Variants in DGKH observed in about 807,000 individuals in gnomAD.
DGKH encodes the protein diacylglycerol kinase eta.
DGKH carries 90 observed loss-of-function variants against 159.3 expected under a neutral mutation model. The observed-to-expected ratio is 0.57, with a 90% CI of 0.48 to 0.67. The LOEUF (loss-of-function observed/expected upper bound fraction) is 0.67, where lower values mean the gene tolerates loss of function less well. DGKH is among the 30% of genes least tolerant of loss of function. DGKH has a pLI of 0.00. For missense variants in DGKH, 1,181 were observed against 1,506.1 expected, an observed-to-expected ratio of 0.78 and a Z score of 3.57; for synonymous variants, 536 against 553.8, an observed-to-expected ratio of 0.97 and a Z score of 0.45.
rs769358075 is a variant in DGKH, at chr13:42,210,588, T to A, written c.2851-14T>A. The A allele has an allele frequency of 6.2e-7, 1 of 1,609,316 alleles. No homozygotes were observed. The highest frequency in any genetic ancestry group is 8.5e-7 in the Non-Finnish European group (1 of 1,178,596). ...TCTAAACTAACAATTCGTTACAATA[T>A]TGACTTTAAATAGGCCTTTGAGAGC... On this transcript the variant is annotated splice_polypyrimidine_tract_variant and intron_variant, in intron 23 of 29. Coordinates refer to ENST00000337343, the MANE Select transcript of DGKH (RefSeq NM_178009.5).
rs145037397 is a variant in DGKH at position 42,071,043 on chromosome 13, A to G, written c.192+22078A>G. 4 of 1,241,062 alleles carry G rather than the reference A, an allele frequency of 3.2e-6. No homozygotes were observed. In the Admixed American group the frequency reaches 6.2e-5, roughly 19 times the overall value. The allele number at this position is 1,241,062 out of a possible 1,614,324, so 76.9% of individuals were successfully genotyped here. ...GTGGTTTTAAGTCCATATACGTAGA[A>G]TCCAGATCAAAACCATGAATGTTCA... On this transcript the variant is annotated intron_variant, in intron 1 of 29. Transcript: ENST00000337343.
At chr13:42,182,399 C>T (rs1956788536) in intron 13 of DGKH, among the ~76,000 whole-genome samples, 2 of 152,122 alleles carry the variant, frequency 1.3e-5, no homozygotes. Flanking sequence ...GGTATATAGT[C>T]CTCCCTCTCT....
intron 1 of DGKH, 82 bp downstream of exon 1, chr13:42,049,047 G>A (rs1296589006): frequency 8.5e-7 from 1 of 1,178,770 alleles, no homozygotes; most frequent in Non-Finnish European, 1.1e-6. Flanking sequence ...CGCGCCGGGC[G>A]ATCCCGGGAA....
chr13:42,079,727 T>C (rs1372068092), intron 1 of DGKH, among the ~76,000 whole-genome samples: 3 of 152,206 alleles, frequency 2.0e-5, no homozygotes, highest in Admixed American at 1.3e-4. Flanking sequence ...TTTGTAACCA[T>C]AATGCTAACT....
rs554345761 is a variant in DGKH at position 42,217,675 on chromosome 13, T to G, written c.3214-1555T>G. 2.0e-5 allele frequency among the ~76,000 whole-genome samples: 3 copies of G among 152,300 alleles called. No homozygotes were observed. In the East Asian group the frequency reaches 5.8e-4, roughly 29 times the overall value. Reference sequence around the variant, plus strand: ...TAGTTCTAAAATTCTATAAACATATTTATGAGAACTCTATAATTTTAAAGT... The same window carrying G: ...TAGTTCTAAAATTCTATAAACATATGTATGAGAACTCTATAATTTTAAAGT... On this transcript the variant is annotated intron_variant, in intron 26 of 29. Coordinates refer to ENST00000337343, the MANE Select transcript of DGKH (RefSeq NM_178009.5).
rs1430457145 is a variant in DGKH at position 42,221,258 on chromosome 13, T to C, written c.3443-6T>C. 2 of 1,613,152 alleles carry C rather than the reference T, an allele frequency of 1.2e-6. No homozygotes were observed. Among genetic ancestry groups the C allele is most frequent in the African/African-American group, 1.3e-5 (1 of 75,002 alleles). On this transcript the variant is annotated splice_region_variant and splice_polypyrimidine_tract_variant and intron_variant, in intron 28 of 29. Transcript: ENST00000337343. The stretch of plus-strand genomic sequence containing the variant: ...ATTAAGGGGGTTTTGCTCTTAACTT[T>C]GGTAGTTCAGAAATGGGGCACAGAG...
At chr13:42,127,112 G>A (rs1955186088) in intron 1 of DGKH, among the ~76,000 whole-genome samples, 1 of 152,160 alleles carries the variant, frequency 6.6e-6, no homozygotes, top group African/African-American at 2.4e-5. Flanking sequence ...CAAGGTTTCT[G>A]GCTCCAGGAC....
intron 3 of DGKH, among the ~76,000 whole-genome samples, chr13:42,139,159 G>C (rs2137877226): frequency 1.3e-5 from 2 of 152,244 alleles, no homozygotes; most frequent in Admixed American, 1.3e-4. Context: ...GAAACCATTG[G>C]TCCTTTTGTA....
At chr13:42,168,629 T>C (rs1281541327) in intron 10 of DGKH, 50 bp from the exon 11 acceptor site, 1 of 1,613,598 alleles carries the variant, frequency 6.2e-7, no homozygotes, top group East Asian at 2.2e-5. Context: ...AATGCAGTAG[T>C]CCCTATTTCT....
At chr13:42,154,776 C>T (rs1217847096) in intron 3 of DGKH, among the ~76,000 whole-genome samples, 3 of 151,924 alleles carry the variant, frequency 2.0e-5, no homozygotes, top group East Asian at 1.9e-4. Context: ...CGCAGTGGCT[C>T]ACGGCTGTAA....
intron 3 of DGKH, among the ~76,000 whole-genome samples, chr13:42,149,948 C>A (rs1165802632): frequency 2.0e-5 from 3 of 152,182 alleles, no homozygotes; most frequent in African/African-American, 7.2e-5. Context: ...AATTATGCTG[C>A]AGATTTGTGT....
In DGKH at chr13:42,230,539, C is replaced by A. The variant is rs1958262671; in HGVS notation, c.*1351C>A. The A allele has an allele frequency of 6.6e-6, 1 of 151,824 alleles. No homozygotes were observed. The highest frequency in any genetic ancestry group is 2.4e-5 in the African/African-American group (1 of 41,326). 9.4% of individuals were successfully genotyped at this position (151,824 alleles called of 1,614,324 possible). A position where few individuals can be genotyped will look rare whatever the true frequency, so the allele number is the denominator to read the frequency against. ...ATAAGCTTTCTTTAGCCATTATATA[C>A]CAAAACATTAATTATAATATTTTAA... On this transcript the variant is annotated 3_prime_UTR_variant, in exon 30 of 30. Coordinates refer to ENST00000337343, the MANE Select transcript of DGKH (RefSeq NM_178009.5).
intron 3 of DGKH, 107 bp downstream of exon 3, chr13:42,129,739 G>T (rs575872230): frequency 2.0e-6 from 2 of 977,842 alleles, no homozygotes; most frequent in Non-Finnish European, 1.5e-6. Context: ...ACTTATGCAT[G>T]TTGGAGTTCC....
At chr13:42,243,454 C>T (rs146925486), downstream of DGKH, among the ~76,000 whole-genome samples, 351 of 152,274 alleles carry the variant, frequency 2.3e-3, 4 homozygotes, top group South Asian at 4.1e-3. Context: ...AAAAACCACT[C>T]GTTAAAAGTC....
chr13:42,074,601 C>T (rs1883180255), intron 1 of DGKH, among the ~76,000 whole-genome samples: 1 of 152,130 alleles, frequency 6.6e-6, no homozygotes, highest in Non-Finnish European at 1.5e-5. Flanking sequence ...TATTTCCTAA[C>T]CCAAATGATG....
At chr13:42,086,772 G>A (rs546417425) in intron 1 of DGKH, among the ~76,000 whole-genome samples, 1 of 152,314 alleles carries the variant, frequency 6.6e-6, no homozygotes, top group South Asian at 2.1e-4. Flanking sequence ...CTGGGTGTGA[G>A]CCCTCTGATT....
downstream of DGKH, among the ~76,000 whole-genome samples, chr13:42,247,787 A>G (rs1958593060): frequency 6.6e-6 from 1 of 152,312 alleles, no homozygotes; most frequent in South Asian, 2.1e-4. Context: ...AAAAAGTTTA[A>G]AAAGTAAAAA....
chr13:42,139,420 C>T (rs1955482474), intron 3 of DGKH, among the ~76,000 whole-genome samples: 1 of 152,186 alleles, frequency 6.6e-6, no homozygotes, highest in African/African-American at 2.4e-5. Flanking sequence ...GGTTAATAGA[C>T]ACTATCAATA....
chr13:42,057,862 A>G (rs914420943), intron 1 of DGKH, among the ~76,000 whole-genome samples: 2 of 152,116 alleles, frequency 1.3e-5, no homozygotes, highest in Admixed American at 6.5e-5. Context: ...AGGGATTTTT[A>G]GGCAATGAGC....
Sources: allele counts gnomAD v4.1 joint callset (sites outside exome capture counted in the v4.1 genomes callset), GRCh38; gene constraint gnomAD v4.1.1; transcripts MANE v1.5; gene names NCBI Gene and HGNC (gene_info 2026-07-23, HGNC 2026-07-21).